The following SOX6 variants were observed in gnomAD, a reference collection of about 807,000 sequenced individuals.
SOX6 encodes SRY-box transcription factor 6, also known as transcription factor SOX-6.
SOX6 carries 11 observed loss-of-function variants against 97.8 expected under a neutral mutation model. The ratio of observed to expected loss-of-function variants is 0.11; its 90% CI spans 0.07 to 0.19. The LOEUF (loss-of-function observed/expected upper bound fraction) is 0.19, where lower values mean the gene tolerates loss of function less well. Among genes scored for constraint, SOX6 ranks in the 10% least tolerant of loss-of-function variants. The pLI, the probability that SOX6 is intolerant of heterozygous loss-of-function variation, is 1.00. For missense variants in SOX6, 810 were observed against 1,039.5 expected (o/e 0.78, Z 3.04); for synonymous variants, 360 against 371.4 (o/e 0.97, Z 0.35).
In SOX6 at chr11:16,465,224, C is replaced by T. The variant is rs149379326; in HGVS notation, c.-5+11091G>A. On this transcript the variant is annotated intron_variant, in intron 1 of 15. Transcript: ENST00000396356. ...AGATATTGCCATTTAGTTATCTGTC[C>T]TGTGACTACAATTCCAGGGAAAAAC... Among the ~76,000 whole-genome samples, 1,369 of 152,244 alleles carry T rather than the reference C, an allele frequency of 9.0e-3. 21 individuals carry two copies. Among genetic ancestry groups the T allele is most frequent in the African/African-American group, 0.031 (1,308 of 41,554 alleles).
intron 3 of SOX6, among the ~76,000 whole-genome samples, chr11:16,636,550 G>A (rs1848793164): frequency 6.6e-6 from 1 of 152,154 alleles, no homozygotes; most frequent in South Asian, 2.1e-4. Flanking sequence ...TTAAGATTTT[G>A]GGGGACTGTT....
At chr11:16,312,903 T>C (rs1409881782) in intron 3 of SOX6, 1 of 152,178 alleles carries the variant, frequency 6.6e-6, no homozygotes, top group Non-Finnish European at 1.5e-5. Context: ...AAAGCTTTCC[T>C]GTACACTCTA....
At chr11:16,205,206 G>GC (rs1852041188) in intron 4 of SOX6, among the ~76,000 whole-genome samples, 1 of 152,072 alleles carries the variant, frequency 6.6e-6, no homozygotes, top group African/African-American at 2.4e-5. Flanking sequence ...CAGCATATGA[G>GC]TTTTCATATG....
At chr11:16,258,879 C>CAT (rs1853783567) in intron 3 of SOX6, among the ~76,000 whole-genome samples, 1 of 151,174 alleles carries the variant, frequency 6.6e-6, no homozygotes, top group Non-Finnish European at 1.5e-5. Context: ...ATTATATATA[C>CAT]ATATATACAC....
At chr11:16,068,812 T>A (rs1429997357) in intron 9 of SOX6, among the ~76,000 whole-genome samples, 3 of 152,230 alleles carry the variant, frequency 2.0e-5, no homozygotes, top group Non-Finnish European at 4.4e-5. Flanking sequence ...TGTGCTCCTA[T>A]CATAGCTCAA....
intron 3 of SOX6, among the ~76,000 whole-genome samples, chr11:16,679,885 T>C (rs778703309): frequency 6.6e-6 from 1 of 152,010 alleles, no homozygotes; most frequent in Non-Finnish European, 1.5e-5. Flanking sequence ...ATTAATGAAA[T>C]AAAGCATGAA....
At chr11:16,000,472 A>T (rs1854371413) in intron 13 of SOX6, among the ~76,000 whole-genome samples, 1 of 152,226 alleles carries the variant, frequency 6.6e-6, no homozygotes, top group East Asian at 1.9e-4. Flanking sequence ...TGAGATAGTG[A>T]TTGTTGAATA....
chr11:16,486,865 T>C lies in SOX6; in HGVS notation n.610-10477A>G, dbSNP rs1275823320. On this transcript the variant is annotated intron_variant and non_coding_transcript_variant, in intron 4 of 5. Transcript: ENST00000524520. The stretch of plus-strand genomic sequence containing the variant: ...TCCATCTCAAAATTAAATGTGCACA[T>C]GTACCCTAAAACTTAAAGTATAATA... 2.0e-5 allele frequency among the ~76,000 whole-genome samples: 3 copies of C among 151,906 alleles called. No homozygotes were observed. The East Asian group carries it at 5.8e-4, about 29-fold the overall frequency.
chr11:16,444,408 T>C (rs1383783378), intron 1 of SOX6, among the ~76,000 whole-genome samples: 1 of 152,180 alleles, frequency 6.6e-6, no homozygotes, highest in Non-Finnish European at 1.5e-5. Context: ...CAAATGGTAA[T>C]GGCTCATGTC....
intron 1 of SOX6, among the ~76,000 whole-genome samples, chr11:16,386,095 G>GACTCT (rs946493715): frequency 4.6e-5 from 7 of 152,240 alleles, no homozygotes; most frequent in African/African-American, 1.7e-4. Flanking sequence ...CTCATAGGGA[G>GACTCT]ACTCTGCTTG....
intron 3 of SOX6, among the ~76,000 whole-genome samples, chr11:16,253,347 G>T (rs1853574837): frequency 8.4e-6 from 1 of 119,254 alleles, no homozygotes; most frequent in Non-Finnish European, 1.9e-5. Context: ...AAAATTCCGT[G>T]TCAAAAAAAA....
chr11:16,692,493 G>T (rs779467291), intron 3 of SOX6, among the ~76,000 whole-genome samples: 3 of 152,022 alleles, frequency 2.0e-5, no homozygotes, highest in African/African-American at 4.8e-5. Context: ...GCTCTCATTT[G>T]TCTCTCCCTG....
intron 3 of SOX6, among the ~76,000 whole-genome samples, chr11:16,684,586 T>C (rs867783534): frequency 2.2e-5 from 1 of 45,180 alleles, no homozygotes; most frequent in Non-Finnish European, 4.3e-5. Context: ...ATTGGCGGGG[T>C]GGGGGGCTGG....
chr11:15,984,223 ATGTTGTGGTATTT>A (rs1056313066), intron 15 of SOX6, among the ~76,000 whole-genome samples: 2 of 152,194 alleles, frequency 1.3e-5, no homozygotes, highest in Non-Finnish European at 2.9e-5. Flanking sequence ...GCATTGGTAC[ATGTTGTGGTATTT>A]TGATCTAGAG....
intron 6 of SOX6, among the ~76,000 whole-genome samples, chr11:16,120,237 T>A (rs1260393726): frequency 7.0e-6 from 1 of 142,806 alleles, no homozygotes; most frequent in Non-Finnish European, 1.5e-5. Context: ...TCTCTCTCAC[T>A]CACTCCTCTC....
intron 4 of SOX6, among the ~76,000 whole-genome samples, chr11:16,212,818 C>T (rs1852266465): frequency 6.6e-6 from 1 of 152,166 alleles, no homozygotes; most frequent in Non-Finnish European, 1.5e-5. Context: ...CAGACATCCT[C>T]TTCTGCAAAT....
At chr11:16,008,234 A>AT (rs949174129) in intron 13 of SOX6, among the ~76,000 whole-genome samples, 4 of 152,202 alleles carry the variant, frequency 2.6e-5, no homozygotes, top group African/African-American at 9.6e-5. Flanking sequence ...ACAACCAGCC[A>AT]TTTTTTGTGT....
chr11:16,156,538 A>G (rs1250138112), intron 6 of SOX6, among the ~76,000 whole-genome samples: 1 of 151,976 alleles, frequency 6.6e-6, no homozygotes, highest in Admixed American at 6.6e-5. Context: ...TGAATAATTC[A>G]GCATGTCAAA....
At chr11:15,996,869 T>C (rs1854241905) in intron 13 of SOX6, among the ~76,000 whole-genome samples, 1 of 152,140 alleles carries the variant, frequency 6.6e-6, no homozygotes, top group African/African-American at 2.4e-5. Flanking sequence ...AAGTTAGTGA[T>C]TTCTCTGAAT....
Sources: gnomAD v4.1 joint callset for allele counts (sites outside exome capture counted in the v4.1 genomes callset) on GRCh38, gnomAD v4.1.1 for gene constraint, MANE v1.5 for transcripts, NCBI Gene and HGNC (gene_info 2026-07-23, HGNC 2026-07-21) for gene names.